Variants in ZBTB20 observed in about 807,000 individuals in gnomAD.
ZBTB20 encodes the protein zinc finger and BTB domain-containing protein 20.
ZBTB20 carries 9 observed loss-of-function variants against 56.9 expected under a neutral mutation model. That is an observed-to-expected ratio of 0.16 (90% CI 0.10 to 0.28). The LOEUF (loss-of-function observed/expected upper bound fraction) is 0.28. Ranked by LOEUF, ZBTB20 falls within the 10% of genes least tolerant of loss-of-function variation. The probability of loss-of-function intolerance (pLI) is 1.00; values close to 1 mark genes in which losing one functional copy is unlikely to be tolerated. For missense variants in ZBTB20, 655 were observed against 1,003.0 expected (o/e 0.65, Z 4.69); for synonymous variants, 417 against 420.7 (o/e 0.99, Z 0.11).
intron 1 of ZBTB20, among the ~76,000 whole-genome samples, chr3:115,073,919 G>C (rs952115140): frequency 2.0e-5 from 3 of 151,766 alleles, no homozygotes; most frequent in South Asian, 2.1e-4. Context: ...TTCCACATAA[G>C]TTCTGAAGAC....
At chr3:114,950,920 G>A (rs1437320200) in intron 3 of ZBTB20, among the ~76,000 whole-genome samples, 1 of 152,072 alleles carries the variant, frequency 6.6e-6, no homozygotes, top group Non-Finnish European at 1.5e-5. Flanking sequence ...AACATAATGT[G>A]AGCACAAGAA....
At chr3:114,747,214 G>A (rs1345722400) in intron 5 of ZBTB20, among the ~76,000 whole-genome samples, 2 of 152,158 alleles carry the variant, frequency 1.3e-5, no homozygotes, top group East Asian at 3.9e-4. Flanking sequence ...ATCTTAAAGA[G>A]AAGAATAAAA....
At chr3:115,046,327 T>C (rs1368432853) in intron 2 of ZBTB20, among the ~76,000 whole-genome samples, 4 of 150,458 alleles carry the variant, frequency 2.7e-5, no homozygotes, top group South Asian at 2.1e-4. Context: ...CTCAGTCCTA[T>C]AAAGTTGTTA....
intron 4 of ZBTB20, among the ~76,000 whole-genome samples, chr3:114,857,077 C>T (rs989712034): frequency 6.6e-6 from 1 of 152,132 alleles, no homozygotes; most frequent in African/African-American, 2.4e-5. Flanking sequence ...CTTCCTGATT[C>T]TTTTCTCATA....
intron 6 of ZBTB20, among the ~76,000 whole-genome samples, chr3:114,683,447 A>G (rs1400068807): frequency 6.6e-6 from 1 of 152,134 alleles, no homozygotes; most frequent in African/African-American, 2.4e-5. Flanking sequence ...ATACAAACAA[A>G]CCAACCTGAG....
At chr3:114,781,884 C>T (rs2070127856) in intron 5 of ZBTB20, among the ~76,000 whole-genome samples, 3 of 152,186 alleles carry the variant, frequency 2.0e-5, no homozygotes. Context: ...TAAGATGTGA[C>T]TTTCACCTTC....
At chr3:114,908,654 T>A (rs970376686) in intron 3 of ZBTB20, among the ~76,000 whole-genome samples, 3 of 151,956 alleles carry the variant, frequency 2.0e-5, no homozygotes, top group African/African-American at 7.2e-5. Context: ...GATGAAAAAC[T>A]TTAAATGAAA....
intron 6 of ZBTB20, among the ~76,000 whole-genome samples, chr3:114,619,353 GA>G (rs1313804985): frequency 6.6e-6 from 1 of 152,060 alleles, no homozygotes; most frequent in Admixed American, 6.6e-5. Flanking sequence ...ATAAAGAGAC[GA>G]AAAGGAATAT....
chr3:114,538,230 T>C (rs770211790), intron 6 of ZBTB20, among the ~76,000 whole-genome samples: 5 of 152,178 alleles, frequency 3.3e-5, no homozygotes, highest in Admixed American at 2.6e-4. Flanking sequence ...GGCTCACATT[T>C]ATTTTAAGTG....
At chr3:115,050,427 G>A (rs1464981568) in intron 2 of ZBTB20, among the ~76,000 whole-genome samples, 2 of 151,870 alleles carry the variant, frequency 1.3e-5, no homozygotes, top group Admixed American at 6.6e-5. Context: ...TTGGGGGCAT[G>A]TATGACATTT....
chr3:114,578,696 C>A (rs2054340025), intron 6 of ZBTB20, among the ~76,000 whole-genome samples: 1 of 150,842 alleles, frequency 6.6e-6, no homozygotes, highest in Admixed American at 6.6e-5. Context: ...CAAAAAATAC[C>A]CAGATAAATT....
intron 5 of ZBTB20, among the ~76,000 whole-genome samples, chr3:114,755,607 A>T (rs924590584): frequency 1.3e-5 from 2 of 151,602 alleles, no homozygotes; most frequent in Admixed American, 1.3e-4. Flanking sequence ...TCCCCCCTTA[A>T]CTCCCTACTT....
intron 7 of ZBTB20, among the ~76,000 whole-genome samples, chr3:114,402,594 C>T (rs2086917268): frequency 6.6e-6 from 1 of 152,090 alleles, no homozygotes; most frequent in Admixed American, 6.6e-5. Context: ...GGGATCTTGA[C>T]GACTAAATCA....
chr3:114,853,271 G>A (rs1414118640), intron 4 of ZBTB20, among the ~76,000 whole-genome samples: 3 of 152,162 alleles, frequency 2.0e-5, no homozygotes, highest in African/African-American at 7.2e-5. Context: ...ACTGGAGCAT[G>A]TGTCCATCAA....
chr3:114,695,226 G>A (rs1055450315), intron 5 of ZBTB20, among the ~76,000 whole-genome samples: 1 of 151,942 alleles, frequency 6.6e-6, no homozygotes, highest in Non-Finnish European at 1.5e-5. Flanking sequence ...ATTCGAAACT[G>A]TTTAAAATTC....
Position 114,397,915 on chromosome 3 carries a change from G to A in ZBTB20, c.-254-8810C>T, listed in dbSNP as rs139186105. On this transcript the variant is annotated intron_variant, in intron 7 of 11. Coordinates refer to ENST00000675478, the MANE Select transcript of ZBTB20 (RefSeq NM_001348800.3). The stretch of plus-strand genomic sequence containing the variant: ...GTTCCAAACTCTTAAGCCTGGGCTC[G>A]GAAATTCACTGACTCCCTATCAAAT... Among the ~76,000 whole-genome samples the A allele has an allele frequency of 3.0e-3, 452 of 152,166 alleles. 4 individuals carry two copies. The highest frequency in any genetic ancestry group is 0.01 in the African/African-American group (420 of 41,524).
chr3:115,013,908 A>ATGTGTGTGTGTGTGTG (rs35762117), intron 2 of ZBTB20, among the ~76,000 whole-genome samples: 11 of 147,756 alleles, frequency 7.4e-5, no homozygotes, highest in African/African-American at 2.5e-4. Context: ...CAATCCCTAT[A>ATGTGTGTGTGTGTGTG]TGTGTGTGTG....
chr3:114,425,499 T>C (rs746163683), intron 7 of ZBTB20, among the ~76,000 whole-genome samples: 2 of 152,182 alleles, frequency 1.3e-5, no homozygotes, highest in Non-Finnish European at 2.9e-5. Flanking sequence ...CCTAAAACGC[T>C]CAAAATGATT....
At chr3:114,848,156 G>A (rs534547456) in intron 4 of ZBTB20, among the ~76,000 whole-genome samples, 1 of 152,178 alleles carries the variant, frequency 6.6e-6, no homozygotes, top group South Asian at 2.1e-4. Flanking sequence ...TAGCTCACCC[G>A]AGGTCCTGAG....
Sources: allele counts gnomAD v4.1 joint callset (sites outside exome capture counted in the v4.1 genomes callset), GRCh38; gene constraint gnomAD v4.1.1; transcripts MANE v1.5; gene names NCBI Gene and HGNC (gene_info 2026-07-23, HGNC 2026-07-21).